LRP5: variants seen among roughly 807,000 people sequenced by gnomAD.
LRP5 encodes the protein low-density lipoprotein receptor-related protein 5.
LRP5 carries 62 observed loss-of-function variants against 154.1 expected under a neutral mutation model. The observed-to-expected ratio is 0.40, with a 90% confidence interval of 0.33 to 0.50. The LOEUF is 0.50. Ranked by LOEUF, LRP5 falls within the 20% of genes least tolerant of loss-of-function variation. The pLI is 0.55. For missense variants in LRP5, 1,915 were observed against 2,336.7 expected (o/e 0.82, Z 3.72); for synonymous variants, 966 against 1,011.5 (o/e 0.96, Z 0.85).
intron 13 of LRP5, among the ~76,000 whole-genome samples, chr11:68,417,698 G>T (rs1159489894): frequency 2.6e-5 from 4 of 152,032 alleles, no homozygotes; most frequent in African/African-American, 7.2e-5. Context: ...ACTGTGGGAG[G>T]CCGAGGCAGG....
chr11:68,348,349 T>A, intron 2 of LRP5, 106 bp downstream of exon 2: 1 of 1,462,842 alleles, frequency 6.8e-7, no homozygotes, highest in Non-Finnish European at 9.4e-7. Context: ...AGGGTGTGAC[T>A]CTGAAAATGA....
intron 19 of LRP5, 23 bp from the exon 20 acceptor site, chr11:68,438,423 C>G (rs2510915): frequency 1.0e-5 from 16 of 1,607,800 alleles, no homozygotes; most frequent in Non-Finnish European, 1.3e-5. Flanking sequence ...TGTTGGCCAC[C>G]TCTTTCTGTT....
At chr11:68,431,544 G>A (rs756055292) in intron 17 of LRP5, among the ~76,000 whole-genome samples, 2 of 152,112 alleles carry the variant, frequency 1.3e-5, no homozygotes, top group African/African-American at 4.8e-5. Flanking sequence ...CCGGAGTGCC[G>A]GTTGTTTTTA....
intron 1 of LRP5, among the ~76,000 whole-genome samples, chr11:68,325,254 C>T (rs2098598987): frequency 6.6e-6 from 1 of 152,220 alleles, no homozygotes; most frequent in Non-Finnish European, 1.5e-5. Context: ...ATGTCCCCAG[C>T]CTCACTGGCT....
intron 9 of LRP5, among the ~76,000 whole-genome samples, chr11:68,409,334 T>A (rs2098658093): frequency 6.9e-6 from 1 of 145,102 alleles, no homozygotes; most frequent in Non-Finnish European, 1.5e-5. Context: ...ATATATGTAA[T>A]GTATATTTTT....
At chr11:68,349,169 AT>A (rs2098616292) in intron 2 of LRP5, among the ~76,000 whole-genome samples, 1 of 150,744 alleles carries the variant, frequency 6.6e-6, no homozygotes, top group Non-Finnish European at 1.5e-5. Flanking sequence ...AGTAGCTGGG[AT>A]TACAGGCGCC....
intron 3 of LRP5, among the ~76,000 whole-genome samples, chr11:68,361,768 G>A (rs548457290): frequency 6.6e-6 from 1 of 152,302 alleles, no homozygotes; most frequent in East Asian, 1.9e-4. Context: ...GCTGCAGTGA[G>A]CCATGATCAC....
chr11:68,340,742 A>C (rs1449549346), intron 1 of LRP5, among the ~76,000 whole-genome samples: 1 of 152,224 alleles, frequency 6.6e-6, no homozygotes, highest in Non-Finnish European at 1.5e-5. Flanking sequence ...AAATAGCTTC[A>C]TAGGAACATA....
chr11:68,434,819 G>A (rs2098674013), intron 18 of LRP5, among the ~76,000 whole-genome samples: 1 of 152,198 alleles, frequency 6.6e-6, no homozygotes, highest in African/African-American at 2.4e-5. Flanking sequence ...TTCACATGCA[G>A]TCTGGCCACT....
intron 1 of LRP5, among the ~76,000 whole-genome samples, chr11:68,322,996 T>A (rs2098597598): frequency 6.6e-6 from 1 of 152,256 alleles, no homozygotes; most frequent in Admixed American, 6.5e-5. Context: ...ATTTGCAGCC[T>A]TCACTTGGCA....
At chr11:68,342,944 C>T (rs532572121) in intron 1 of LRP5, among the ~76,000 whole-genome samples, 130 of 152,332 alleles carry the variant, frequency 8.5e-4, no homozygotes, top group African/African-American at 2.9e-3. Flanking sequence ...GGCCAGGGCC[C>T]CCCGCTGGGA....
rs80358313 is a variant in LRP5 at position 68,406,550 on chromosome 11, G to T, written c.1828G>T (p.Gly610Trp). ...VGTNPCADRNGGCSHLCFFTP... is the reference protein window; with the variant it reads ...VGTNPCADRNWGCSHLCFFTP... ...AACCAACCCGTGTGCGGACAGGAAC[G>T]GGGGGTGCAGCCACCTGTGCTTCTT... The change falls in exon 9 of 23, where the codon GGG becomes TGG. Residue 610 changes from glycine to tryptophan, a missense_variant. Gly to Trp is a radical substitution (Grantham distance 184, BLOSUM62 -2). Transcript: ENST00000294304. 26 of 1,614,078 alleles carry T rather than the reference G, an allele frequency of 1.6e-5. No individual in the cohort carries two copies. Among genetic ancestry groups the T allele is most frequent in the East Asian group, 1.1e-4 (5 of 44,884 alleles).
chr11:68,388,216 G>C (rs909079615), intron 6 of LRP5, among the ~76,000 whole-genome samples: 1 of 151,884 alleles, frequency 6.6e-6, no homozygotes, highest in Non-Finnish European at 1.5e-5. Context: ...GTCCCCAGGG[G>C]CTTTAGCAAG....
rs1457967571 is a variant in LRP5, at chr11:68,389,976, G to A, written c.1508G>A (p.Gly503Glu). The change falls in exon 7 of 23, where the codon GGG becomes GAG. Residue 503 changes from glycine (G) to glutamate (E), a missense_variant. Physicochemically the swap from Gly to Glu is moderately conservative, Grantham distance 98. Transcript: ENST00000294304. ...ERRVLVNASL[G>E]WPNGLALDLQ... Reference sequence around the variant, plus strand: ...CGTGTGCTGGTCAATGCCTCCCTCGGGTGGCCCAACGGCCTGGCCCTGGAC... The same window carrying A: ...CGTGTGCTGGTCAATGCCTCCCTCGAGTGGCCCAACGGCCTGGCCCTGGAC... 6.2e-7 allele frequency: 1 copy of A among 1,614,138 alleles called. No individual in the cohort carries two copies. The highest frequency in any genetic ancestry group is 8.5e-7 in the Non-Finnish European group (1 of 1,180,020).
chr11:68,312,892 C>T (rs906246238), intron 1 of LRP5, 87 bp downstream of exon 1: 40 of 747,234 alleles, frequency 5.4e-5, no homozygotes, highest in Non-Finnish European at 6.4e-5. Flanking sequence ...GGCGCCGCCG[C>T]CGTCTCGGAA....
At chr11:68,333,793 G>C (rs970199918) in intron 1 of LRP5, among the ~76,000 whole-genome samples, 1 of 152,182 alleles carries the variant, frequency 6.6e-6, no homozygotes, top group Non-Finnish European at 1.5e-5. Context: ...ACATTGGAGA[G>C]GACTGCAGTA....
Position 68,318,756 on chromosome 11 carries a change from C to T in LRP5, c.91+5951C>T, listed in dbSNP as rs372649375. Among the ~76,000 whole-genome samples, 16 of 152,306 alleles carry T rather than the reference C, an allele frequency of 1.1e-4. No individual in the cohort carries two copies. The East Asian group carries it at 2.7e-3, about 26-fold the overall frequency. On this transcript the variant is annotated intron_variant, in intron 1 of 22. Transcript: ENST00000294304. ...CAAGGATATGACAACGGCTCCTCTC[C>T]TGAGAAGGTGCCTGGTGGGGGCGGC... is the stretch of plus-strand genomic sequence containing the variant.
chr11:68,347,989 C>T lies in LRP5; in HGVS notation c.234C>T (p.Tyr78=). 1.9e-6 allele frequency: 3 copies of T among 1,614,170 alleles called. No individual in the cohort carries two copies. Among genetic ancestry groups the T allele is most frequent in the Non-Finnish European group, 2.5e-6 (3 of 1,180,040 alleles). The change falls in exon 2 of 23, where the codon TAC becomes TAT. Residue 78 remains tyrosine (Y), a synonymous_variant. Transcript: ENST00000294304. ...VDFQFSKGAV[Y]WTDVSEEAIK... ...TCCAGTTTTCCAAGGGAGCCGTGTACTGGACAGACGTGAGCGAGGAGGCCA... is the reference window on the plus strand; with the variant it reads ...TCCAGTTTTCCAAGGGAGCCGTGTATTGGACAGACGTGAGCGAGGAGGCCA...
At chr11:68,311,800 T>A (rs867110387), upstream of LRP5, among the ~76,000 whole-genome samples, 9 of 152,220 alleles carry the variant, frequency 5.9e-5, no homozygotes, top group African/African-American at 2.2e-4. Context: ...AAGGGCACAG[T>A]CGTTCTAGAA....
Sources: allele counts gnomAD v4.1 joint callset (sites outside exome capture counted in the v4.1 genomes callset), GRCh38; gene constraint gnomAD v4.1.1; transcripts MANE v1.5; gene names NCBI Gene and HGNC (gene_info 2026-07-23, HGNC 2026-07-21).